Variants in KSR2 observed in about 807,000 individuals in gnomAD.
KSR2 encodes the protein kinase suppressor of ras 2.
Under a neutral mutation model 107.8 loss-of-function variants are expected in KSR2, and 25 were observed. The observed-to-expected ratio is 0.23, with a 90% CI of 0.17 to 0.32. The LOEUF is 0.32. Among genes scored for constraint, KSR2 ranks in the 10% least tolerant of loss-of-function variants. The probability of loss-of-function intolerance (pLI) is 1.00; values close to 1 mark genes in which losing one functional copy is unlikely to be tolerated. For missense variants in KSR2, 887 were observed against 1,268.9 expected, an observed-to-expected ratio of 0.70 and a Z score of 4.57; for synonymous variants, 480 against 507.0, an observed-to-expected ratio of 0.95 and a Z score of 0.71.
chr12:117,826,965 T>C (rs1236547359), intron 3 of KSR2, among the ~76,000 whole-genome samples: 1 of 147,314 alleles, frequency 6.8e-6, no homozygotes, highest in Non-Finnish European at 1.5e-5. Flanking sequence ...CACGTGCCTG[T>C]AGTCTCAGCT....
chr12:117,552,480 G>T (rs186308791), intron 9 of KSR2, among the ~76,000 whole-genome samples: 4 of 152,256 alleles, frequency 2.6e-5, no homozygotes, highest in African/African-American at 4.8e-5. Context: ...TAATTCAGTT[G>T]CTCTTTGAGC....
chr12:117,470,147 A>G (rs1337233690), intron 18 of KSR2, among the ~76,000 whole-genome samples: 1 of 151,178 alleles, frequency 6.6e-6, no homozygotes, highest in Non-Finnish European at 1.5e-5. Flanking sequence ...GCATCTATAT[A>G]TCCACCCATC....
chr12:117,642,805 A>C (rs1282763955), intron 5 of KSR2, among the ~76,000 whole-genome samples: 1 of 152,228 alleles, frequency 6.6e-6, no homozygotes, highest in African/African-American at 2.4e-5. Context: ...TAACATTCAA[A>C]GAAATTTCTA....
intron 3 of KSR2, among the ~76,000 whole-genome samples, chr12:117,827,697 T>C (rs148644825): frequency 4.5e-4 from 69 of 152,326 alleles, no homozygotes; most frequent in Middle Eastern, 3.4e-3. Flanking sequence ...TAGGTAAGTG[T>C]TAAATATTGG....
chr12:117,542,424 C>A (rs768707960), intron 9 of KSR2, among the ~76,000 whole-genome samples: 2 of 94,078 alleles, frequency 2.1e-5, no homozygotes, highest in Non-Finnish European at 4.8e-5. Flanking sequence ...GTTTCCCTTA[C>A]TCAGTTTTCT....
intron 4 of KSR2, among the ~76,000 whole-genome samples, chr12:117,685,332 G>T (rs1417587319): frequency 6.6e-6 from 1 of 152,208 alleles, no homozygotes; most frequent in Non-Finnish European, 1.5e-5. Context: ...GACTGAACCA[G>T]AGCTCGTGAC....
chr12:117,668,504 T>C (rs1884762262), intron 4 of KSR2, among the ~76,000 whole-genome samples: 1 of 152,196 alleles, frequency 6.6e-6, no homozygotes, highest in African/African-American at 2.4e-5. Flanking sequence ...CCTTCATCGC[T>C]GTGTCCACCA....
intron 3 of KSR2, among the ~76,000 whole-genome samples, chr12:117,782,860 G>C (rs868354675): frequency 1.3e-5 from 2 of 152,262 alleles, no homozygotes; most frequent in South Asian, 2.1e-4. Flanking sequence ...GGTAAGAATG[G>C]GACCAGGACA....
intron 4 of KSR2, among the ~76,000 whole-genome samples, chr12:117,676,082 C>T (rs375175929): frequency 6.6e-6 from 1 of 152,212 alleles, no homozygotes; most frequent in East Asian, 1.9e-4. Context: ...TGTTCTGGGG[C>T]AGCAGAGCTT....
chr12:117,620,639 T>C (rs1400904213), intron 5 of KSR2, among the ~76,000 whole-genome samples: 1 of 152,186 alleles, frequency 6.6e-6, no homozygotes, highest in African/African-American at 2.4e-5. Context: ...TGAATTAGGT[T>C]TCTCCCTAGC....
At chr12:117,767,171 TG>T (rs1381049446) in intron 3 of KSR2, among the ~76,000 whole-genome samples, 3 of 149,362 alleles carry the variant, frequency 2.0e-5, no homozygotes, top group Non-Finnish European at 3.0e-5. Flanking sequence ...CCCAGTACTT[TG>T]GGAGGCCGAG....
intron 4 of KSR2, among the ~76,000 whole-genome samples, chr12:117,705,838 T>C (rs746263859): frequency 6.6e-6 from 1 of 152,126 alleles, no homozygotes; most frequent in Non-Finnish European, 1.5e-5. Flanking sequence ...TGGATAGGAC[T>C]CAGGCTCCTG....
In KSR2 at chr12:117,471,262, C is replaced by T; in HGVS notation, c.2641G>A (p.Ala881Thr). ...CCTGTGCCCATTTGCCAGATTATTGCCTCTGCTGGTTGGGTCTTGAAAGGC... is the reference window on the plus strand; with the variant it reads ...CCTGTGCCCATTTGCCAGATTATTGTCTCTGCTGGTTGGGTCTTGAAAGGC... Reference protein sequence around the residue: ...EWPFKTQPAEAIIWQMGTGMK... With the variant: ...EWPFKTQPAETIIWQMGTGMK... The change falls in exon 18 of 20, where the codon GCA (alanine) becomes ACA (threonine). Residue 881 changes from alanine (A) to threonine (T), a missense_variant. Coordinates refer to ENST00000339824, the MANE Select transcript of KSR2 (RefSeq NM_173598.6). The T allele has an allele frequency of 6.2e-7, 1 of 1,613,856 alleles. No individual in the cohort carries two copies. Among genetic ancestry groups the T allele is most frequent in the Non-Finnish European group, 8.5e-7 (1 of 1,179,848 alleles).
rs773291108 is a variant in KSR2 at position 117,531,673 on chromosome 12, G to A, written c.1722C>T (p.Ile574=). 6.2e-7 allele frequency: 1 copy of A among 1,603,666 alleles called. No homozygotes were observed. The highest frequency in any genetic ancestry group is 2.3e-5 in the East Asian group (1 of 43,994). The change falls in exon 11 of 20, where the codon ATC becomes ATT. Residue 574 remains isoleucine (I), a synonymous_variant. Coordinates refer to ENST00000339824, the MANE Select transcript of KSR2 (RefSeq NM_173598.6). ...SHYYKYKQQF[I]FPDVVPVPET... ...AGCTCACATGAAACTCACCTGGGAA[G>A]ATGAACTGCTGCTTGTATTTGTAGT...
intron 4 of KSR2, among the ~76,000 whole-genome samples, chr12:117,733,529 G>A (rs1002319794): frequency 1.3e-5 from 2 of 152,170 alleles, no homozygotes; most frequent in Non-Finnish European, 2.9e-5. Flanking sequence ...TTTGCACACT[G>A]TCTACGGCTG....
At chr12:117,934,524 C>T (rs1480848349) in intron 1 of KSR2, among the ~76,000 whole-genome samples, 1 of 152,170 alleles carries the variant, frequency 6.6e-6, no homozygotes, top group Non-Finnish European at 1.5e-5. Flanking sequence ...CAAGGCTTTG[C>T]TTTGTCAAGT....
chr12:117,508,922 T>C (rs1473041963), intron 14 of KSR2, among the ~76,000 whole-genome samples: 1 of 117,978 alleles, frequency 8.5e-6, no homozygotes, highest in Non-Finnish European at 1.7e-5. Flanking sequence ...GGTGGGTGGG[T>C]GGATGGGGTG....
At chr12:117,836,080 A>G (rs1389658125) in intron 3 of KSR2, among the ~76,000 whole-genome samples, 2 of 138,580 alleles carry the variant, frequency 1.4e-5, no homozygotes, top group African/African-American at 5.2e-5. Flanking sequence ...CTATTGGGAA[A>G]CTTTTCCCAA....
At position 117,706,264 on chromosome 12, in the gene KSR2, A is replaced by T. The variant is rs866232085; in HGVS notation, c.987-38606T>A. On this transcript the variant is annotated intron_variant, in intron 4 of 19. Coordinates refer to ENST00000339824, the MANE Select transcript of KSR2 (RefSeq NM_173598.6). Reference sequence around the variant, plus strand: ...TCACCATGTTGGCCAGGCTGGTCTTAAACTTCTGACCTCAGGTGATCCGCC... The same window carrying T: ...TCACCATGTTGGCCAGGCTGGTCTTTAACTTCTGACCTCAGGTGATCCGCC... Among the ~76,000 whole-genome samples, 3 of 151,636 alleles carry T rather than the reference A, an allele frequency of 2.0e-5. No homozygotes were observed. In the South Asian group the frequency reaches 6.3e-4, roughly 32 times the overall value.
Sources: gnomAD v4.1 joint callset for allele counts (sites outside exome capture counted in the v4.1 genomes callset) on GRCh38, gnomAD v4.1.1 for gene constraint, MANE v1.5 for transcripts, NCBI Gene and HGNC (gene_info 2026-07-23, HGNC 2026-07-21) for gene names.